The following SLC2A12 variants were observed in gnomAD, a reference collection of about 807,000 sequenced individuals.
SLC2A12 encodes solute carrier family 2 member 12.
A neutral mutation model predicts 41.8 loss-of-function variants in SLC2A12; 23 were observed. The observed-to-expected ratio is 0.55, with a 90% CI of 0.40 to 0.78. The LOEUF (loss-of-function observed/expected upper bound fraction) is 0.78, where lower values mean the gene tolerates loss of function less well. SLC2A12 is among the 30% of genes least tolerant of loss of function. The probability of loss-of-function intolerance (pLI) is 0.00; values close to 1 mark genes in which losing one functional copy is unlikely to be tolerated. For missense variants in SLC2A12, 654 were observed against 745.6 expected (o/e 0.88, Z 1.43); for synonymous variants, 295 against 285.9 (o/e 1.03, Z -0.32).
chr6:134,049,641 T>C (rs894031456), intron 1 of SLC2A12, among the ~76,000 whole-genome samples: 2 of 151,470 alleles, frequency 1.3e-5, no homozygotes, highest in African/African-American at 4.9e-5. Flanking sequence ...GATTGGAACA[T>C]GTCCATGAAA....
At chr6:134,044,525 C>A (rs1261406688) in intron 1 of SLC2A12, among the ~76,000 whole-genome samples, 1 of 151,926 alleles carries the variant, frequency 6.6e-6, no homozygotes, top group African/African-American at 2.4e-5. Context: ...ACCAGCCTGG[C>A]CAACATGATG....
Position 133,989,525 on chromosome 6 carries a change from T to TA in SLC2A12, c.*1629_*1630insT, listed in dbSNP as rs1370715416. The TA allele has an allele frequency of 6.6e-6, 1 of 152,108 alleles. No individual in the cohort carries two copies. The highest frequency in any genetic ancestry group is 2.4e-5 in the African/African-American group (1 of 41,414). The allele number at this position is 152,108 out of a possible 1,614,324, so 9.4% of individuals were successfully genotyped here. A position where few individuals can be genotyped will look rare whatever the true frequency, so the allele number is the denominator to read the frequency against. Reference sequence around the variant, plus strand: ...AAGGAAACATGGGGCAGAACACACTTCCCTTCTCTTTCCAAAAACAAAAAA... The same window carrying TA: ...AAGGAAACATGGGGCAGAACACACTTACCCTTCTCTTTCCAAAAACAAAAAA... On this transcript the variant is annotated 3_prime_UTR_variant, in exon 5 of 5. Transcript: ENST00000275230.
chr6:134,016,249 T>C (rs1776960665), intron 2 of SLC2A12, among the ~76,000 whole-genome samples: 1 of 151,594 alleles, frequency 6.6e-6, no homozygotes, highest in Non-Finnish European at 1.5e-5. Context: ...GACTGTCCGA[T>C]AAAGATAACA....
chr6:134,029,936 A>C (rs1034411829), intron 1 of SLC2A12, among the ~76,000 whole-genome samples: 2 of 152,226 alleles, frequency 1.3e-5, no homozygotes, highest in African/African-American at 4.8e-5. Context: ...GCATGGAGAC[A>C]TGTAGGAAGT....
At chr6:134,050,979 G>A (rs1773675012) in intron 1 of SLC2A12, among the ~76,000 whole-genome samples, 1 of 152,114 alleles carries the variant, frequency 6.6e-6, no homozygotes, top group African/African-American at 2.4e-5. Flanking sequence ...CCAGGCTGGA[G>A]TGCAGTGTCA....
At chr6:134,048,317 C>A (rs532848800) in intron 1 of SLC2A12, among the ~76,000 whole-genome samples, 20 of 152,296 alleles carry the variant, frequency 1.3e-4, no homozygotes, top group African/African-American at 4.6e-4. Flanking sequence ...TCATTTCCAG[C>A]CAGGCACTGT....
At chr6:134,032,436 A>T (rs1406993373) in intron 1 of SLC2A12, among the ~76,000 whole-genome samples, 17 of 37,464 alleles carry the variant, frequency 4.5e-4, no homozygotes, top group African/African-American at 2.0e-3. Context: ...TTATATATAT[A>T]TATATATATA....
At chr6:133,995,324 C>A (rs191673483) in intron 4 of SLC2A12, among the ~76,000 whole-genome samples, 1 of 151,510 alleles carries the variant, frequency 6.6e-6, no homozygotes, top group South Asian at 2.1e-4. Flanking sequence ...GAGAATGTGC[C>A]GGAGAAGGGA....
In SLC2A12 at chr6:133,989,154, C is replaced by T. The variant is rs952907409; in HGVS notation, c.*2001G>A. ...ACAAAGATGGGAAGAAGTGAGTGCT[C>T]TGATGTCTTCTGCTGGCTCTCCATA... On this transcript the variant is annotated 3_prime_UTR_variant, in exon 5 of 5. Transcript: ENST00000275230. 2 of 152,136 alleles carry T rather than the reference C, an allele frequency of 1.3e-5. No homozygotes were observed. Among genetic ancestry groups the T allele is most frequent in the East Asian group, 1.9e-4 (1 of 5,198 alleles). The allele number at this position is 152,136 out of a possible 1,614,324, so 9.4% of individuals were successfully genotyped here.
intron 1 of SLC2A12, among the ~76,000 whole-genome samples, chr6:134,034,433 CTAATTCACTGTATAAG>C (rs1777264782): frequency 6.6e-6 from 1 of 152,142 alleles, no homozygotes; most frequent in Non-Finnish European, 1.5e-5. Context: ...GTTTTGAATT[CTAATTCACTGTATAAG>C]GCTAGTCCTT....
Position 134,037,144 on chromosome 6 carries a change from A to ATT in SLC2A12, c.104-7425_104-7424dup, listed in dbSNP as rs533155835. ...TCACAGCCCAGGGAAACTCGATTCA[A>ATT]TTTTTTTTTTTTTTTTTTTTTTTTT... On this transcript the variant is annotated intron_variant, in intron 1 of 4. Coordinates refer to ENST00000275230, the MANE Select transcript of SLC2A12 (RefSeq NM_145176.3). Among the ~76,000 whole-genome samples, 88 of 83,330 alleles carry ATT rather than the reference A, an allele frequency of 1.1e-3. 1 individual carries two copies. The highest frequency in any genetic ancestry group is 5.6e-3 in the East Asian group (18 of 3,226). 54.7% of individuals were successfully genotyped at this position (83,330 alleles called of 152,430 possible).
chr6:134,006,723 C>T (rs2114433464), intron 3 of SLC2A12, 89 bp downstream of exon 3: 3 of 1,516,446 alleles, frequency 2.0e-6, no homozygotes, highest in African/African-American at 2.8e-5. Flanking sequence ...TGAAAATTTC[C>T]ACGAAAAAAT....
chr6:134,011,354 G>A (rs186879847), intron 2 of SLC2A12, among the ~76,000 whole-genome samples: 20 of 152,198 alleles, frequency 1.3e-4, no homozygotes, highest in Middle Eastern at 3.4e-3. Context: ...AGGTGTGATG[G>A]TTCACTCCTG....
chr6:133,989,735 C>T lies in SLC2A12; in HGVS notation c.*1420G>A, dbSNP rs996707869. 16 of 152,142 alleles carry T rather than the reference C, an allele frequency of 1.1e-4. No individual in the cohort carries two copies. The highest frequency in any genetic ancestry group is 1.9e-4 in the Non-Finnish European group (13 of 68,020). 9.4% of individuals were successfully genotyped at this position (152,142 alleles called of 1,614,324 possible). ...CTTACATAGGTTTATAGTCTCTCCA[C>T]ATTGTTATAAAGGAATGTAATAGAT... On this transcript the variant is annotated 3_prime_UTR_variant, in exon 5 of 5. Transcript: ENST00000275230.
At chr6:134,026,676 G>A (rs1777116582) in intron 2 of SLC2A12, among the ~76,000 whole-genome samples, 1 of 152,214 alleles carries the variant, frequency 6.6e-6, no homozygotes, top group Admixed American at 6.5e-5. Context: ...GCAGGTCTGA[G>A]TCATCAGAGG....
intron 2 of SLC2A12, among the ~76,000 whole-genome samples, chr6:134,022,583 G>GAAAAGAAA (rs1554207319): frequency 1.2e-4 from 14 of 114,464 alleles, no homozygotes; most frequent in African/African-American, 5.3e-4. Context: ...GAAAAGAAAA[G>GAAAAGAAA]AAAAGAAAAG....
rs1303915987 is a variant in SLC2A12 at position 134,029,169 on chromosome 6, G to A, written c.656C>T (p.Pro219Leu). Residue 219 changes from proline to leucine, a missense_variant, in exon 2 of 5, where the codon CCA becomes CTA. This residue lies in a region of SLC2A12 where 411 missense variants were observed against 412.1 expected (regional missense o/e 1.00). Transcript: ENST00000275230. The stretch of plus-strand genomic sequence containing the variant: ...TTTCATCACCAGAAACCGAGGGCTT[G>A]GAGGAAGAAAATACATTGCAATTGC... ...LQAIAMYFLPPSPRFLVMKGQ... is the reference protein window; with the variant it reads ...LQAIAMYFLPLSPRFLVMKGQ... 5 of 1,613,964 alleles carry A rather than the reference G, an allele frequency of 3.1e-6. No homozygotes were observed. In the African/African-American group the frequency reaches 4.0e-5, roughly 13 times the overall value.
intron 1 of SLC2A12, among the ~76,000 whole-genome samples, chr6:134,035,890 C>T (rs1777290787): frequency 6.6e-6 from 1 of 152,214 alleles, no homozygotes; most frequent in Admixed American, 6.5e-5. Flanking sequence ...AGACCTGCAG[C>T]ACAAGAGCAC....
chr6:134,024,276 C>T (rs544393329), intron 2 of SLC2A12, among the ~76,000 whole-genome samples: 8 of 152,340 alleles, frequency 5.3e-5, no homozygotes, highest in Admixed American at 2.0e-4. Flanking sequence ...TTCAGTGAGT[C>T]GTCTCTGCTT....
Sources: allele counts gnomAD v4.1 joint callset (sites outside exome capture counted in the v4.1 genomes callset), GRCh38; gene constraint gnomAD v4.1.1; regional missense constraint gnomAD v4.1.1; transcripts MANE v1.5; gene names NCBI Gene and HGNC (gene_info 2026-07-23, HGNC 2026-07-21).